ERO1B: variants seen among roughly 807,000 people sequenced by gnomAD.
The protein encoded by ERO1B is ERO1-like protein beta.
In ERO1B, 49 loss-of-function variants were observed where a neutral mutation model predicts 75.3. The observed-to-expected ratio is 0.65, with a 90% CI of 0.52 to 0.83. The LOEUF (loss-of-function observed/expected upper bound fraction) is 0.83, where lower values mean the gene tolerates loss of function less well. Ranked by LOEUF, ERO1B falls within the 40% of genes least tolerant of loss-of-function variation. The pLI, the probability that ERO1B is intolerant of heterozygous loss-of-function variation, is 0.00. For synonymous variants in ERO1B, 191 were observed against 192.9 expected, an observed-to-expected ratio of 0.99 and a Z score of 0.08; for missense variants, 512 against 560.1, an observed-to-expected ratio of 0.91 and a Z score of 0.87.
chr1:236,258,396 T>G (rs958016228), intron 2 of ERO1B, among the ~76,000 whole-genome samples: 5 of 151,954 alleles, frequency 3.3e-5, no homozygotes, highest in African/African-American at 9.7e-5. Flanking sequence ...TTCAAAAAGC[T>G]GAAAGAAAAG....
At chr1:236,252,176 C>A in intron 3 of ERO1B, 85 bp from the exon 4 acceptor site, 5 of 828,806 alleles carry the variant, frequency 6.0e-6, no homozygotes, top group South Asian at 4.4e-5. Flanking sequence ...ATGCATTGCT[C>A]TATTTCATCA....
chr1:236,281,746 C>CCCTGCCCAGCG lies in ERO1B; in HGVS notation c.27_37dup (p.Gly13AlafsTer6). ...CAGCAGCTGCACCGCGGCCGCTACCCCCTGCCCAGCGCCTGCCCGGCGGAC... is the reference window on the plus strand; with the variant it reads ...CAGCAGCTGCACCGCGGCCGCTACCCCCTGCCCAGCGCCTGCCCAGCGCCTGCCCGGCGGAC... On this transcript the variant is annotated frameshift_variant, in exon 1 of 16. Coordinates refer to ENST00000354619, the MANE Select transcript of ERO1B (RefSeq NM_019891.4). LOFTEE classifies it high-confidence loss of function. The CCCTGCCCAGCG allele has an allele frequency of 1.3e-6, 2 of 1,516,870 alleles. No individual in the cohort carries two copies. Among genetic ancestry groups the CCCTGCCCAGCG allele is most frequent in the African/African-American group, 2.8e-5 (2 of 70,934 alleles). 94.0% of individuals were successfully genotyped at this position (1,516,870 alleles called of 1,614,324 possible). A position where few individuals can be genotyped will look rare whatever the true frequency, so the allele number is the denominator to read the frequency against.
chr1:236,281,750 G>A lies in ERO1B; in HGVS notation c.34C>T (p.Gln12Ter). Residue 12 changes from glutamine (Q) to a stop codon, truncating the protein, a stop_gained, in exon 1 of 16, where the codon CAG becomes TAG. Transcript: ENST00000354619. LOFTEE classifies it high-confidence loss of function. ...AGCTGCACCGCGGCCGCTACCCCCTGCCCAGCGCCTGCCCGGCGGACCCCT... is the reference window on the plus strand; with the variant it reads ...AGCTGCACCGCGGCCGCTACCCCCTACCCAGCGCCTGCCCGGCGGACCCCT... ...SQGVRRAGAG[Q>*]GVAAAVQLLV... 1 of 1,515,702 alleles carries A rather than the reference G, an allele frequency of 6.6e-7. No homozygotes were observed. The allele number at this position is 1,515,702 out of a possible 1,614,324, so 93.9% of individuals were successfully genotyped here. A position where few individuals can be genotyped will look rare whatever the true frequency, so the allele number is the denominator to read the frequency against.
intron 2 of ERO1B, among the ~76,000 whole-genome samples, chr1:236,265,421 C>T (rs1035346959): frequency 6.6e-6 from 1 of 152,114 alleles, no homozygotes; most frequent in Admixed American, 6.5e-5. Context: ...AAAACTTAGG[C>T]ATCATCCTTG....
chr1:236,229,639 T>C (rs1218472076), intron 10 of ERO1B, among the ~76,000 whole-genome samples: 1 of 152,170 alleles, frequency 6.6e-6, no homozygotes, highest in South Asian at 2.1e-4. Flanking sequence ...AAAAGCATCA[T>C]ATATCCAGTT....
chr1:236,233,731 C>T (rs1558508606), intron 8 of ERO1B, among the ~76,000 whole-genome samples: 1 of 152,178 alleles, frequency 6.6e-6, no homozygotes, highest in African/African-American at 2.4e-5. Context: ...ATTATGCACA[C>T]AATCCTCTCT....
At chr1:236,274,845 G>A (rs1317544505) in intron 1 of ERO1B, among the ~76,000 whole-genome samples, 2 of 152,160 alleles carry the variant, frequency 1.3e-5, no homozygotes, top group Non-Finnish European at 2.9e-5. Context: ...AATGTCAGAT[G>A]GTAATAAAGT....
At chr1:236,222,032 C>A (rs1319398162) in intron 13 of ERO1B, 22 bp from the exon 14 acceptor site, 5 of 1,582,740 alleles carry the variant, frequency 3.2e-6, no homozygotes, top group Non-Finnish European at 4.3e-6. Flanking sequence ...AAAATATTTT[C>A]AGTCTAATTA....
At chr1:236,244,138 C>T (rs931900696) in intron 5 of ERO1B, among the ~76,000 whole-genome samples, 2 of 152,148 alleles carry the variant, frequency 1.3e-5, no homozygotes, top group Admixed American at 6.5e-5. Flanking sequence ...TTCAGGCCTT[C>T]TCTGTATTGA....
Position 236,216,173 on chromosome 1 carries a change from A to G in ERO1B, c.*2343T>C, listed in dbSNP as rs540943841. On this transcript the variant is annotated 3_prime_UTR_variant, in exon 16 of 16. Transcript: ENST00000354619. The stretch of plus-strand genomic sequence containing the variant: ...GAATATTTTCCTTTTCTTCATTTTC[A>G]TTACTTCATCAGTGGGTACAATCAT... The G allele has an allele frequency of 6.6e-6, 1 of 152,256 alleles. No individual in the cohort carries two copies. The highest frequency in any genetic ancestry group is 2.1e-4 in the South Asian group (1 of 4,828). 9.4% of individuals were successfully genotyped at this position (152,256 alleles called of 1,614,324 possible). A position where few individuals can be genotyped will look rare whatever the true frequency, so the allele number is the denominator to read the frequency against.
chr1:236,279,514 A>AAC (rs1553375581), intron 1 of ERO1B, among the ~76,000 whole-genome samples: 7 of 143,920 alleles, frequency 4.9e-5, no homozygotes, highest in African/African-American at 1.8e-4. Context: ...CAAAAAAAAA[A>AAC]AAAAAACAGC....
chr1:236,233,874 G>A (rs1276496924), intron 8 of ERO1B, among the ~76,000 whole-genome samples: 1 of 152,134 alleles, frequency 6.6e-6, no homozygotes. Flanking sequence ...CTTCCAGGAG[G>A]CCTAGAGGTG....
Position 236,269,979 on chromosome 1 carries a change from C to A in ERO1B, c.118G>T (p.Asp40Tyr). The A allele has an allele frequency of 1.3e-6, 2 of 1,595,412 alleles. No homozygotes were observed. The highest frequency in any genetic ancestry group is 1.7e-5 in the Admixed American group (1 of 59,054). The change falls in exon 2 of 16, where the codon GAT (aspartate) becomes TAT (tyrosine). Residue 40 changes from aspartate to tyrosine, a missense_variant. Transcript: ENST00000354619. ...VVEAQVTGVL[D>Y]DCLCDIDSID... ...CTGTCAATATCACACAAGCAATCATCCAGAACTCCAGTGACCTAGAATTTA... is the reference window on the plus strand; with the variant it reads ...CTGTCAATATCACACAAGCAATCATACAGAACTCCAGTGACCTAGAATTTA...
At chr1:236,228,181 C>CA (rs1369350654) in intron 10 of ERO1B, among the ~76,000 whole-genome samples, 1 of 152,100 alleles carries the variant, frequency 6.6e-6, no homozygotes, top group East Asian at 1.9e-4. Flanking sequence ...CATATGCCTA[C>CA]AAACCAGGAC....
intron 1 of ERO1B, among the ~76,000 whole-genome samples, chr1:236,276,490 T>G (rs748670780): frequency 5.9e-5 from 9 of 152,126 alleles, no homozygotes; most frequent in Non-Finnish European, 1.0e-4. Context: ...AAGTTTAGTA[T>G]CCAGGATGTC....
At chr1:236,246,871 T>C (rs1221002648) in intron 5 of ERO1B, among the ~76,000 whole-genome samples, 1 of 152,196 alleles carries the variant, frequency 6.6e-6, no homozygotes, top group Non-Finnish European at 1.5e-5. Context: ...ACCATATGTG[T>C]ATTATACTTA....
At chr1:236,254,434 T>G (rs550103885) in intron 2 of ERO1B, among the ~76,000 whole-genome samples, 24 of 152,214 alleles carry the variant, frequency 1.6e-4, no homozygotes, top group African/African-American at 5.8e-4. Context: ...TATCAATCCC[T>G]CCTCAAAACC....
At chr1:236,261,257 G>A (rs1319142882) in intron 2 of ERO1B, among the ~76,000 whole-genome samples, 10 of 152,072 alleles carry the variant, frequency 6.6e-5, no homozygotes, top group Non-Finnish European at 1.5e-4. Context: ...AGACAAGAAC[G>A]CCCACTCTTG....
At chr1:236,234,397 A>T (rs1664487743) in intron 8 of ERO1B, among the ~76,000 whole-genome samples, 1 of 152,254 alleles carries the variant, frequency 6.6e-6, no homozygotes, top group African/African-American at 2.4e-5. Flanking sequence ...GGCTGTAGAA[A>T]AGGTCTGGAA....
Sources: gnomAD v4.1 joint callset for allele counts (sites outside exome capture counted in the v4.1 genomes callset) on GRCh38, gnomAD v4.1.1 for gene constraint, MANE v1.5 for transcripts, NCBI Gene and HGNC (gene_info 2026-07-23, HGNC 2026-07-21) for gene names.